The following CRLS1 variants were observed in gnomAD, a reference collection of about 807,000 sequenced individuals.
CRLS1 encodes cardiolipin synthase 1.
CRLS1 carries 24 observed loss-of-function variants against 37.0 expected under a neutral mutation model. The observed-to-expected ratio is 0.65, with a 90% CI of 0.47 to 0.91. CRLS1 has a LOEUF of 0.91. Among genes scored for constraint, CRLS1 ranks in the 40% least tolerant of loss-of-function variants. The pLI is 0.00. For missense variants in CRLS1, 373 were observed against 395.8 expected (o/e 0.94, Z 0.49); for synonymous variants, 135 against 159.7 (o/e 0.85, Z 1.17).
intron 2 of CRLS1, among the ~76,000 whole-genome samples, chr20:6,013,522 T>C (rs1024378447): frequency 2.6e-5 from 4 of 151,680 alleles, no homozygotes; most frequent in Non-Finnish European, 5.9e-5. Flanking sequence ...TGCAGGTAGG[T>C]GGGGGATTTG....
intron 3 of CRLS1, among the ~76,000 whole-genome samples, chr20:6,023,098 T>C (rs895250517): frequency 6.6e-6 from 1 of 152,226 alleles, no homozygotes; most frequent in Non-Finnish European, 1.5e-5. Flanking sequence ...TTGGACTTGC[T>C]AAGTTGTCTT....
intron 3 of CRLS1, among the ~76,000 whole-genome samples, chr20:6,029,819 G>A (rs1329770090): frequency 6.6e-6 from 1 of 152,222 alleles, no homozygotes; most frequent in Non-Finnish European, 1.5e-5. Context: ...GCCGTGACTT[G>A]AGTGGATAAG....
Position 6,006,502 on chromosome 20 carries a change from G to A in CRLS1, c.256G>A (p.Ala86Thr). The change falls in exon 1 of 7, where the codon GCT (alanine) becomes ACT (threonine). Residue 86 changes from alanine to threonine, a missense_variant. Coordinates refer to ENST00000378863, the MANE Select transcript of CRLS1 (RefSeq NM_019095.6). Reference sequence around the variant, plus strand: ...CAGGCCAGCGGCCGGAGCGGGCGCCGCTGCCGAAGCCCCGGGCGGCCAGTG... The same window carrying A: ...CAGGCCAGCGGCCGGAGCGGGCGCCACTGCCGAAGCCCCGGGCGGCCAGTG... ...APRPAAGAGA[A>T]AEAPGGQWGP... is the part of the protein sequence containing the mutation. 3.0e-6 allele frequency: 4 copies of A among 1,352,960 alleles called. No homozygotes were observed. Among genetic ancestry groups the A allele is most frequent in the Non-Finnish European group, 3.8e-6 (4 of 1,059,376 alleles). The allele number at this position is 1,352,960 out of a possible 1,614,324, so 83.8% of individuals were successfully genotyped here. A position where few individuals can be genotyped will look rare whatever the true frequency, so the allele number is the denominator to read the frequency against.
intron 1 of CRLS1, chr20:6,007,146 C>G (rs1282464991): frequency 9.7e-7 from 1 of 1,026,320 alleles, no homozygotes; most frequent in East Asian, 3.0e-5. Context: ...ACAGAAGACA[C>G]CCGAGCATGA....
At chr20:6,011,966 T>G (rs1038793498) in intron 2 of CRLS1, among the ~76,000 whole-genome samples, 19 of 148,736 alleles carry the variant, frequency 1.3e-4, no homozygotes, top group African/African-American at 4.6e-4. Context: ...CTGATAACAG[T>G]TTTTTTTTAA....
Position 6,009,896 on chromosome 20 carries a change from C to G in CRLS1, c.428C>G (p.Ala143Gly), listed in dbSNP as rs760338619. The stretch of plus-strand genomic sequence containing the variant: ...ATTGCACTAGGAGTTTTTGCTTTAG[C>G]TGGACTAACAGATTTGGTAAGTTGT... ...FNIALGVFAL[A>G]GLTDLLDGFI... Residue 143 changes from alanine to glycine, a missense_variant, in exon 2 of 7, where the codon GCT becomes GGT. Ala to Gly is a moderately conservative substitution (Grantham distance 60, BLOSUM62 0). Transcript: ENST00000378863. 1.9e-6 allele frequency: 3 copies of G among 1,613,584 alleles called. No individual in the cohort carries two copies. The highest frequency in any genetic ancestry group is 3.3e-5 in the Admixed American group (2 of 59,958).
chr20:6,015,686 T>A (rs1479444460), intron 3 of CRLS1, 196 bp downstream of exon 3: 1 of 531,604 alleles, frequency 1.9e-6, no homozygotes, highest in Non-Finnish European at 3.4e-6. Flanking sequence ...CTTGTTTTAC[T>A]AGTAAAATCA....
intron 1 of CRLS1, 55 bp downstream of exon 1, chr20:6,006,607 G>C (rs1482015380): frequency 8.0e-7 from 1 of 1,242,968 alleles, no homozygotes; most frequent in Non-Finnish European, 1.0e-6. Flanking sequence ...CGCCGCCCCT[G>C]CACTCAGGTA....
intron 3 of CRLS1, chr20:6,028,477 CT>C (rs1322183002): frequency 3.3e-5 from 5 of 152,112 alleles, no homozygotes; most frequent in African/African-American, 1.2e-4. Flanking sequence ...GGTTTACCAT[CT>C]GGTAAATTCT....
intron 3 of CRLS1, among the ~76,000 whole-genome samples, chr20:6,019,858 T>G (rs912303632): frequency 2.6e-5 from 4 of 151,958 alleles, no homozygotes; most frequent in Non-Finnish European, 5.9e-5. Context: ...GAGACGGAGT[T>G]TCACCATGTT....
rs1459432444 is a variant in CRLS1 at position 6,014,673 on chromosome 20, A to C, written c.445-688A>C. Among the ~76,000 whole-genome samples, 8 of 152,226 alleles carry C rather than the reference A, an allele frequency of 5.3e-5. No individual in the cohort carries two copies. The East Asian group carries it at 5.8e-4, about 11-fold the overall frequency. Reference sequence around the variant, plus strand: ...TTTATGGGAAGAATTGAATACTTACATGTTGATAACTAATTACAGTTTTTA... The same window carrying C: ...TTTATGGGAAGAATTGAATACTTACCTGTTGATAACTAATTACAGTTTTTA... On this transcript the variant is annotated intron_variant, in intron 2 of 6. Coordinates refer to ENST00000378863, the MANE Select transcript of CRLS1 (RefSeq NM_019095.6).
At chr20:6,007,225 T>G in intron 1 of CRLS1, 1 of 1,464,526 alleles carries the variant, frequency 6.8e-7, no homozygotes, top group East Asian at 2.5e-5. Context: ...TTGTTATGTC[T>G]TCAGTGGCCC....
chr20:6,011,534 C>CCCATTCT (rs2090132517), intron 2 of CRLS1, among the ~76,000 whole-genome samples: 1 of 143,330 alleles, frequency 7.0e-6, no homozygotes, highest in African/African-American at 2.6e-5. Flanking sequence ...ACTACCTCTT[C>CCCATTCT]CCATTCTCAC....
intron 3 of CRLS1, among the ~76,000 whole-genome samples, chr20:6,021,443 GT>G (rs1290819049): frequency 1.3e-5 from 2 of 152,092 alleles, no homozygotes; most frequent in Non-Finnish European, 2.9e-5. Context: ...TGAAGTGAAT[GT>G]TTTGTTATGA....
At chr20:6,032,809 A>T (rs1301404112) in intron 5 of CRLS1, among the ~76,000 whole-genome samples, 2 of 152,200 alleles carry the variant, frequency 1.3e-5, no homozygotes, top group African/African-American at 4.8e-5. Flanking sequence ...AATGTCAAGG[A>T]TTTAACAGGT....
chr20:6,034,951 G>A (rs1429197647), intron 6 of CRLS1, among the ~76,000 whole-genome samples: 1 of 152,134 alleles, frequency 6.6e-6, no homozygotes, highest in Non-Finnish European at 1.5e-5. Context: ...GGGTAGGGAA[G>A]CTGAGTCCAG....
rs188678851 is a variant in CRLS1 at position 6,031,177 on chromosome 20, G to C, written c.575-108G>C. 6.0e-5 allele frequency: 39 copies of C among 648,922 alleles called. 1 individual carries two copies. In the East Asian group the frequency reaches 1.2e-3, roughly 20 times the overall value. The allele number at this position is 648,922 out of a possible 1,614,324, so 40.2% of individuals were successfully genotyped here. On this transcript the variant is annotated intron_variant, in intron 3 of 6. Transcript: ENST00000378863. ...GGTGTTCATTATAAAATTTCTATTTGTGAAAACAGCAGTTTGTGGTAAGGC... is the reference window on the plus strand; with the variant it reads ...GGTGTTCATTATAAAATTTCTATTTCTGAAAACAGCAGTTTGTGGTAAGGC...
At chr20:6,009,689 A>G in intron 1 of CRLS1, 86 bp from the exon 2 acceptor site, 1 of 1,014,456 alleles carries the variant, frequency 9.9e-7, no homozygotes, top group South Asian at 2.2e-5. Flanking sequence ...AAGTTGATGA[A>G]GTATATTTTT....
chr20:6,030,685 C>G (rs561155970), intron 3 of CRLS1, among the ~76,000 whole-genome samples: 1 of 152,020 alleles, frequency 6.6e-6, no homozygotes, highest in South Asian at 2.1e-4. Context: ...TGCCACTGCA[C>G]TCCAGCCTGG....
Sources: gnomAD v4.1 joint callset for allele counts (sites outside exome capture counted in the v4.1 genomes callset) on GRCh38, gnomAD v4.1.1 for gene constraint, MANE v1.5 for transcripts, NCBI Gene and HGNC (gene_info 2026-07-23, HGNC 2026-07-21) for gene names.